RYR3: variants seen among roughly 807,000 people sequenced by gnomAD.
RYR3 encodes the protein brain ryanodine receptor-calcium release channel.
A neutral mutation model predicts 584.3 loss-of-function variants in RYR3; 207 were observed. The observed-to-expected ratio is 0.35, with a 90% CI of 0.32 to 0.40. RYR3 has a LOEUF of 0.40. Among genes scored for constraint, RYR3 ranks in the 10% least tolerant of loss-of-function variants. RYR3 has a pLI of 1.00. For missense variants in RYR3, 5,616 were observed against 6,089.2 expected, an observed-to-expected ratio of 0.92 and a Z score of 2.59; for synonymous variants, 2,416 against 2,248.5, an observed-to-expected ratio of 1.07 and a Z score of -2.11.
chr15:33,548,217 C>G lies in RYR3; in HGVS notation c.815+13C>G, dbSNP rs1401156228. The G allele has an allele frequency of 2.6e-6, 4 of 1,531,810 alleles. No homozygotes were observed. Among genetic ancestry groups the G allele is most frequent in the Non-Finnish European group, 3.6e-6 (4 of 1,110,656 alleles). 94.9% of individuals were successfully genotyped at this position (1,531,810 alleles called of 1,614,324 possible). On this transcript the variant is annotated intron_variant, in intron 9 of 103. Coordinates refer to ENST00000634891, the MANE Select transcript of RYR3 (RefSeq NM_001036.6). ...CCCTTCGGATAAGGTAATGGAAGGC[C>G]TGGGAATGCCCTTTTCAAGATTACT...
At chr15:33,622,562 C>T (rs1003150215) in intron 19 of RYR3, among the ~76,000 whole-genome samples, 5 of 152,176 alleles carry the variant, frequency 3.3e-5, no homozygotes, top group African/African-American at 1.2e-4. Context: ...TCTGTGACAC[C>T]AGGGATGCCA....
At chr15:33,464,463 G>GATATATATATAT (rs569756898) in intron 1 of RYR3, among the ~76,000 whole-genome samples, 7 of 79,256 alleles carry the variant, frequency 8.8e-5, no homozygotes, top group Non-Finnish European at 1.2e-4. Flanking sequence ...GGGAGGTGGA[G>GATATATATATAT]ATATATATAT....
chr15:33,858,030 C>T (rs757636552), intron 99 of RYR3, 116 bp downstream of exon 99: 353 of 1,265,050 alleles, frequency 2.8e-4, no homozygotes, highest in Non-Finnish European at 3.7e-4. Context: ...GAGTTAGTTA[C>T]AGAGCACAGC....
chr15:33,373,983 G>T (rs1447719320), intron 1 of RYR3, among the ~76,000 whole-genome samples: 1 of 152,126 alleles, frequency 6.6e-6, no homozygotes, highest in African/African-American at 2.4e-5. Context: ...CTTATTTTAG[G>T]TGATGGTTTA....
intron 1 of RYR3, among the ~76,000 whole-genome samples, chr15:33,322,121 C>T (rs1452188485): frequency 1.3e-5 from 2 of 152,168 alleles, no homozygotes; most frequent in African/African-American, 4.8e-5. Flanking sequence ...AGAACTTGGA[C>T]AACATTGGCA....
chr15:33,489,818 A>G (rs891573343), intron 2 of RYR3, among the ~76,000 whole-genome samples: 7 of 152,122 alleles, frequency 4.6e-5, no homozygotes, highest in African/African-American at 1.7e-4. Flanking sequence ...ACTACCACCA[A>G]CGGTGTGTAA....
In RYR3 at chr15:33,669,283, C is replaced by G. The variant is rs9972537; in HGVS notation, c.5620-71C>G. 5.6e-3 allele frequency: 6,947 copies of G among 1,242,444 alleles called. 284 individuals are homozygous for G. In the African/African-American group the frequency reaches 0.086, roughly 15 times the overall value. The allele number at this position is 1,242,444 out of a possible 1,614,324, so 77.0% of individuals were successfully genotyped here. A position where few individuals can be genotyped will look rare whatever the true frequency, so the allele number is the denominator to read the frequency against. ...ATTTGAAAAGAATGTAAGTGTCTGT[C>G]TAAGGCAGGATCTGAGTTCCCTTGG... On this transcript the variant is annotated intron_variant, in intron 36 of 103. Coordinates refer to ENST00000634891, the MANE Select transcript of RYR3 (RefSeq NM_001036.6).
chr15:33,755,342 C>T (rs192470727), intron 58 of RYR3, among the ~76,000 whole-genome samples, 162 bp downstream of exon 58: 1 of 152,184 alleles, frequency 6.6e-6, no homozygotes, highest in Admixed American at 6.5e-5. Context: ...TCAATCCGGC[C>T]GGGCGCTGTG....
intron 43 of RYR3, among the ~76,000 whole-genome samples, chr15:33,708,943 C>A (rs189946438): frequency 1.4e-5 from 2 of 142,748 alleles, no homozygotes; most frequent in Admixed American, 6.8e-5. Context: ...AGTGCTTCGG[C>A]GGGAGTCAGG....
rs905609001 is a variant in RYR3 at position 33,311,631 on chromosome 15, G to A, written c.51+535G>A. ...GGCGCTTGGTCCTAGCCCTGGGATCGCTCGGAGGGGAATTCACCCAGCGCT... is the reference window on the plus strand; with the variant it reads ...GGCGCTTGGTCCTAGCCCTGGGATCACTCGGAGGGGAATTCACCCAGCGCT... On this transcript the variant is annotated intron_variant, in intron 1 of 103. Transcript: ENST00000634891. The surrounding 1 kb of genome is among the most constrained non-coding windows in gnomAD (Gnocchi z 4.4). Among the ~76,000 whole-genome samples, 4 of 152,220 alleles carry A rather than the reference G, an allele frequency of 2.6e-5. No individual in the cohort carries two copies. The highest frequency in any genetic ancestry group is 7.2e-5 in the African/African-American group (3 of 41,458).
intron 37 of RYR3, among the ~76,000 whole-genome samples, chr15:33,669,849 G>GA (rs1566919595): frequency 1.2e-4 from 6 of 50,286 alleles, no homozygotes; most frequent in African/African-American, 3.4e-4. Context: ...TGTGTGGGGG[G>GA]GGGGGGGGGT....
chr15:33,858,020 GAGTT>G (rs1382913436), intron 99 of RYR3, 106 bp downstream of exon 99: 3 of 1,429,534 alleles, frequency 2.1e-6, no homozygotes, highest in Middle Eastern at 2.4e-4. Flanking sequence ...GAGAACTGTA[GAGTT>G]AGTTACAGAG....
At chr15:33,452,272 T>C (rs141456966) in intron 1 of RYR3, among the ~76,000 whole-genome samples, 49 of 152,320 alleles carry the variant, frequency 3.2e-4, no homozygotes, top group African/African-American at 1.1e-3. Context: ...AAACAAGATA[T>C]TTCTTTTTAA....
Position 33,369,997 on chromosome 15 carries a change from A to G in RYR3, c.51+58901A>G, listed in dbSNP as rs532204403. On this transcript the variant is annotated intron_variant, in intron 1 of 103. Transcript: ENST00000634891. ...GCACATGGAAAATGCTCATCAATGT[A>G]TATGTGTTCACTTGAATTTAAGGGA... 1.4e-3 allele frequency among the ~76,000 whole-genome samples: 210 copies of G among 152,330 alleles called. 1 individual carries two copies. The highest frequency in any genetic ancestry group is 3.4e-3 in the Middle Eastern group (1 of 294).
intron 2 of RYR3, 133 bp from the exon 3 acceptor site, chr15:33,503,498 C>A: frequency 3.3e-6 from 2 of 614,758 alleles, no homozygotes; most frequent in Non-Finnish European, 5.9e-6. Context: ...AGGAGAAAGC[C>A]ACCTTTTTGC....
At chr15:33,750,105 G>C (rs1177492012) in intron 56 of RYR3, 51 bp downstream of exon 56, 2 of 1,607,328 alleles carry the variant, frequency 1.2e-6, no homozygotes, top group South Asian at 2.2e-5. Context: ...GGGCAGCTAT[G>C]GTCTCCCAGA....
chr15:33,367,289 A>G (rs1024314579), intron 1 of RYR3, among the ~76,000 whole-genome samples: 1 of 152,152 alleles, frequency 6.6e-6, no homozygotes, highest in African/African-American at 2.4e-5. Context: ...AGTGACCTCA[A>G]TCTTTATTTC....
At chr15:33,725,967 C>CA (rs2068381782) in intron 45 of RYR3, among the ~76,000 whole-genome samples, 1 of 17,474 alleles carries the variant, frequency 5.7e-5, no homozygotes, top group Non-Finnish European at 1.5e-4. Context: ...AAGACTCCAT[C>CA]CCCCCCCCCA....
intron 18 of RYR3, among the ~76,000 whole-genome samples, chr15:33,605,882 GGATATATTAGAAAGTGGTCGT>G (rs1261659341): frequency 1.3e-5 from 2 of 152,110 alleles, no homozygotes; most frequent in Non-Finnish European, 2.9e-5. Flanking sequence ...GTAGATAGGG[GGATATATTAGAAAGTGGTCGT>G]GATAAATTAT....
Sources: allele counts gnomAD v4.1 joint callset (sites outside exome capture counted in the v4.1 genomes callset), GRCh38; gene constraint gnomAD v4.1.1; non-coding constraint Gnocchi (gnomAD v3.1); transcripts MANE v1.5; gene names NCBI Gene and HGNC (gene_info 2026-07-23, HGNC 2026-07-21).